The following MARCHF1 variants were observed in gnomAD, a reference collection of about 807,000 sequenced individuals.
MARCHF1 encodes membrane associated ring-CH-type finger 1.
MARCHF1 carries 40 observed loss-of-function variants against 54.2 expected under a neutral mutation model. The ratio of observed to expected loss-of-function variants is 0.74; its 90% CI spans 0.57 to 0.96. The LOEUF (loss-of-function observed/expected upper bound fraction) is 0.96. Among genes scored for constraint, MARCHF1 ranks in the 40% least tolerant of loss-of-function variants. The probability of loss-of-function intolerance (pLI) is 0.00; values close to 1 mark genes in which losing one functional copy is unlikely to be tolerated. For synonymous variants in MARCHF1, 236 were observed against 236.3 expected (o/e 1.00, Z 0.01); for missense variants, 586 against 656.5 (o/e 0.89, Z 1.17).
intron 4 of MARCHF1, among the ~76,000 whole-genome samples, chr4:163,720,811 A>G (rs542385230): frequency 6.6e-6 from 1 of 152,166 alleles, no homozygotes; most frequent in Admixed American, 6.5e-5. Flanking sequence ...GAGTTCACTC[A>G]TGATTTGGGT....
intron 5 of MARCHF1, among the ~76,000 whole-genome samples, chr4:163,690,615 C>T (rs1392488787): frequency 1.3e-5 from 2 of 152,098 alleles, no homozygotes; most frequent in Non-Finnish European, 2.9e-5. Flanking sequence ...TGGACTAATG[C>T]TGAAAGAAAC....
At chr4:164,285,786 T>C (rs922455330) in intron 1 of MARCHF1, among the ~76,000 whole-genome samples, 16 of 133,990 alleles carry the variant, frequency 1.2e-4, no homozygotes, top group Non-Finnish European at 3.1e-5. Context: ...AAGTTGAATA[T>C]CCTAATATTG....
chr4:163,609,607 C>CTG (rs34278549), intron 7 of MARCHF1, among the ~76,000 whole-genome samples: 4,305 of 148,906 alleles, frequency 0.029, 95 homozygotes, highest in Non-Finnish European at 0.048. Flanking sequence ...AAAGGTCTTT[C>CTG]TGTGTGTGTG....
At chr4:163,545,767 A>C (rs762848402) in intron 8 of MARCHF1, 24 bp from the exon 9 acceptor site, 1 of 1,607,686 alleles carries the variant, frequency 6.2e-7, no homozygotes, top group African/African-American at 1.3e-5. Context: ...TGAAGGACAC[A>C]AAACTGAATT....
At chr4:163,849,421 T>C (rs371451295) in intron 4 of MARCHF1, among the ~76,000 whole-genome samples, 20 of 152,146 alleles carry the variant, frequency 1.3e-4, no homozygotes, top group Middle Eastern at 3.2e-3. Flanking sequence ...TCAACTGATA[T>C]GGGTGACAGC....
At chr4:164,381,078 G>A (rs1303871007) in intron 1 of MARCHF1, among the ~76,000 whole-genome samples, 1 of 152,124 alleles carries the variant, frequency 6.6e-6, no homozygotes, top group Non-Finnish European at 1.5e-5. Flanking sequence ...ATCTTTCCAT[G>A]GATACTTCCC....
chr4:163,613,542 G>C (rs1230408526), intron 5 of MARCHF1, 149 bp from the exon 6 acceptor site: 1 of 1,555,648 alleles, frequency 6.4e-7, no homozygotes, highest in African/African-American at 1.4e-5. Context: ...TAGGAAGTTT[G>C]AGGTTGGTTT....
At chr4:164,258,974 A>G (rs76854260) in intron 1 of MARCHF1, among the ~76,000 whole-genome samples, 5,018 of 152,288 alleles carry the variant, frequency 0.033, 186 homozygotes, top group East Asian at 0.16. Flanking sequence ...GTCTGTTCAT[A>G]GTTTATATCA....
At chr4:163,877,464 T>G (rs1750316158) in intron 3 of MARCHF1, among the ~76,000 whole-genome samples, 1 of 150,340 alleles carries the variant, frequency 6.7e-6, no homozygotes, top group South Asian at 2.1e-4. Flanking sequence ...GGGCACTGTT[T>G]TTTTTTTTTT....
At chr4:163,897,240 G>A (rs1038616601) in intron 3 of MARCHF1, among the ~76,000 whole-genome samples, 1 of 152,082 alleles carries the variant, frequency 6.6e-6, no homozygotes, top group South Asian at 2.1e-4. Flanking sequence ...TCAAATATCT[G>A]ATGTCAACAA....
chr4:163,565,701 C>T (rs1739622601), intron 8 of MARCHF1, among the ~76,000 whole-genome samples: 1 of 152,158 alleles, frequency 6.6e-6, no homozygotes, highest in Non-Finnish European at 1.5e-5. Flanking sequence ...AAGCACTTCA[C>T]CCCCAGAAGG....
chr4:163,656,095 T>G (rs1430243016), intron 5 of MARCHF1, among the ~76,000 whole-genome samples: 1 of 143,196 alleles, frequency 7.0e-6, no homozygotes, highest in Non-Finnish European at 1.5e-5. Flanking sequence ...AAAAAACCTT[T>G]CAAAAAACCA....
intron 4 of MARCHF1, among the ~76,000 whole-genome samples, chr4:163,801,397 C>A (rs764526815): frequency 2.0e-5 from 3 of 151,956 alleles, no homozygotes; most frequent in East Asian, 3.9e-4. Flanking sequence ...AATCCCTAGA[C>A]ACCTATCTAC....
intron 3 of MARCHF1, among the ~76,000 whole-genome samples, chr4:163,935,184 C>A (rs1274884452): frequency 6.6e-6 from 1 of 151,976 alleles, no homozygotes; most frequent in Non-Finnish European, 1.5e-5. Context: ...TCTTAAGGGT[C>A]ATACAATTTT....
chr4:164,282,453 C>A (rs371987127), intron 1 of MARCHF1, among the ~76,000 whole-genome samples: 2 of 150,980 alleles, frequency 1.3e-5, no homozygotes, highest in East Asian at 4.1e-4. Flanking sequence ...CCAACAGTTG[C>A]ACCATCTCCA....
intron 1 of MARCHF1, among the ~76,000 whole-genome samples, chr4:164,325,415 G>A (rs1173669456): frequency 6.6e-6 from 1 of 150,748 alleles, no homozygotes; most frequent in Non-Finnish European, 1.5e-5. Context: ...TTAAAAGATG[G>A]ATTGTTTAGA....
chr4:163,741,931 TTTG>T (rs1307716290), intron 4 of MARCHF1, among the ~76,000 whole-genome samples: 1 of 152,240 alleles, frequency 6.6e-6, no homozygotes, highest in Non-Finnish European at 1.5e-5. Flanking sequence ...AAACATACAA[TTTG>T]TTATTTTAAT....
intron 2 of MARCHF1, among the ~76,000 whole-genome samples, chr4:164,087,854 G>C (rs2303961): frequency 0.075 from 11,210 of 150,422 alleles, 490 homozygotes; most frequent in East Asian, 0.19. Flanking sequence ...GCATTTCCAA[G>C]CTAAAATACA....
At chr4:164,140,681 G>T (rs887937269) in intron 1 of MARCHF1, among the ~76,000 whole-genome samples, 2 of 151,944 alleles carry the variant, frequency 1.3e-5, no homozygotes, top group Admixed American at 6.6e-5. Context: ...AATACCTGTC[G>T]CCATCATTTC....
Sources: allele counts gnomAD v4.1 joint callset (sites outside exome capture counted in the v4.1 genomes callset), GRCh38; gene constraint gnomAD v4.1.1; transcripts MANE v1.5; gene names NCBI Gene and HGNC (gene_info 2026-07-23, HGNC 2026-07-21).